MRC1: variants seen among roughly 807,000 people sequenced by gnomAD.
The protein encoded by MRC1 is macrophage mannose receptor 1.
MRC1 carries 62 observed loss-of-function variants against 102.9 expected under a neutral mutation model. The observed-to-expected ratio is 0.60, with a 90% confidence interval of 0.49 to 0.74. MRC1 has a LOEUF of 0.74. Among genes scored for constraint, MRC1 ranks in the 30% least tolerant of loss-of-function variants. MRC1 has a pLI of 0.00. For missense variants in MRC1, 1,237 were observed against 862.8 expected, an observed-to-expected ratio of 1.43 and a Z score of -5.43; for synonymous variants, 457 against 298.4, an observed-to-expected ratio of 1.53 and a Z score of -5.48.
intron 1 of MRC1, among the ~76,000 whole-genome samples, chr10:17,822,290 C>G (rs1264641665): frequency 1.3e-5 from 2 of 152,078 alleles, no homozygotes; most frequent in African/African-American, 4.8e-5. Flanking sequence ...AAATTATTAA[C>G]AAATAATACC....
chr10:17,849,869 A>G, intron 7 of MRC1, 105 bp downstream of exon 7: 1 of 630,016 alleles, frequency 1.6e-6, no homozygotes, highest in Non-Finnish European at 2.9e-6. Context: ...TAATCAATGT[A>G]AATCAATAAT....
intron 6 of MRC1, among the ~76,000 whole-genome samples, chr10:17,848,935 C>T (rs1347589929): frequency 6.6e-6 from 1 of 152,130 alleles, no homozygotes; most frequent in Admixed American, 6.5e-5. Context: ...TCAACACTAA[C>T]CTGCCTCTCA....
intron 23 of MRC1, among the ~76,000 whole-genome samples, 198 bp from the exon 24 acceptor site, chr10:17,897,835 AT>A (rs1481419828): frequency 5.3e-5 from 8 of 152,336 alleles, no homozygotes; most frequent in Admixed American, 3.3e-4. Context: ...TTTGGAATTA[AT>A]TTAATTTGAT....
chr10:17,883,239 T>C (rs1050672364), intron 21 of MRC1, among the ~76,000 whole-genome samples: 6 of 152,314 alleles, frequency 3.9e-5, no homozygotes, highest in Non-Finnish European at 8.8e-5. Flanking sequence ...GTAATCCTCA[T>C]GTCTTAGCCT....
chr10:17,849,747 T>A lies in MRC1; in HGVS notation c.1232T>A (p.Ile411Asn). The A allele has an allele frequency of 1.3e-6, 1 of 780,858 alleles. No individual in the cohort carries two copies. Among genetic ancestry groups the A allele is most frequent in the Non-Finnish European group, 2.4e-6 (1 of 418,004 alleles). The allele number at this position is 780,858 out of a possible 1,614,324, so 48.4% of individuals were successfully genotyped here. The stretch of plus-strand genomic sequence containing the variant: ...ACCATCGAGGAATTGGACTTTATTA[T>A]CTCCCAGCTAGGATATGGTGAGAAA... ...IHTIEELDFIISQLGYEPNDE... is the reference protein window; with the variant it reads ...IHTIEELDFINSQLGYEPNDE... The change falls in exon 7 of 30, where the codon ATC (isoleucine) becomes AAC (asparagine). Residue 411 changes from isoleucine to asparagine, a missense_variant. By Grantham distance (149) the Ile-to-Asn change is moderately radical (BLOSUM62 -3). Coordinates refer to ENST00000569591, the MANE Select transcript of MRC1 (RefSeq NM_002438.4).
intron 10 of MRC1, among the ~76,000 whole-genome samples, chr10:17,862,017 T>C (rs2130661663): frequency 6.6e-6 from 1 of 152,328 alleles, no homozygotes; most frequent in Admixed American, 6.5e-5. Context: ...TAGGGTCCTA[T>C]CTATTTTTAA....
At chr10:17,878,513 C>A (rs1589189337) in intron 18 of MRC1, among the ~76,000 whole-genome samples, 1 of 152,040 alleles carries the variant, frequency 6.6e-6, no homozygotes, top group African/African-American at 2.4e-5. Context: ...ATTTTATGTT[C>A]TTTTTTCTTG....
chr10:17,835,886 C>A (rs570236839), intron 4 of MRC1, among the ~76,000 whole-genome samples: 2,186 of 152,302 alleles, frequency 0.014, 24 homozygotes, highest in Middle Eastern at 0.054. Context: ...TTTTGTCAAA[C>A]TCCTGGGTGA....
chr10:17,863,557 G>C lies in MRC1; in HGVS notation c.1658G>C (p.Ser553Thr). The change falls in exon 11 of 30, where the codon AGT becomes ACT. Residue 553 changes from serine to threonine, a missense_variant. Transcript: ENST00000569591. ...EDRYEQAFLT[S>T]FVGLRPEKYF... ...AGATATGAACAAGCCTTCCTGACTAGTTTCGTTGGCTTAAGGCCTGAAAAA... is the reference window on the plus strand; with the variant it reads ...AGATATGAACAAGCCTTCCTGACTACTTTCGTTGGCTTAAGGCCTGAAAAA... The C allele has an allele frequency of 1.3e-6, 1 of 780,854 alleles. No individual in the cohort carries two copies. Among genetic ancestry groups the C allele is most frequent in the South Asian group, 1.3e-5 (1 of 74,612 alleles). 48.4% of individuals were successfully genotyped at this position (780,854 alleles called of 1,614,324 possible).
At chr10:17,814,793 C>T (rs930602405) in intron 1 of MRC1, among the ~76,000 whole-genome samples, 6,011 of 143,792 alleles carry the variant, frequency 0.042, 150 homozygotes, top group East Asian at 0.051. Flanking sequence ...TCAAGTGATT[C>T]TCCAGGGATT....
Position 17,898,117 on chromosome 10 carries a change from C to A in MRC1, c.3334C>A (p.Gln1112Lys). 2 of 780,794 alleles carry A rather than the reference C, an allele frequency of 2.6e-6. No individual in the cohort carries two copies. The highest frequency in any genetic ancestry group is 2.4e-6 in the Non-Finnish European group (1 of 417,946). The allele number at this position is 780,794 out of a possible 1,614,324, so 48.4% of individuals were successfully genotyped here. ...CAAAAGCAGCTATTCACTCATGAGACAAAAATTTCAATGGCATGAAGCGGA... is the reference window on the plus strand; with the variant it reads ...CAAAAGCAGCTATTCACTCATGAGAAAAAAATTTCAATGGCATGAAGCGGA... ...YGKSSYSLMR[Q>K]KFQWHEAETY... Residue 1112 changes from glutamine to lysine, a missense_variant, in exon 24 of 30, where the codon CAA becomes AAA. Gln to Lys is a moderately conservative substitution (Grantham distance 53). Coordinates refer to ENST00000569591, the MANE Select transcript of MRC1 (RefSeq NM_002438.4).
At chr10:17,819,502 G>A (rs1475863763) in intron 1 of MRC1, among the ~76,000 whole-genome samples, 21 of 150,438 alleles carry the variant, frequency 1.4e-4, no homozygotes, top group Admixed American at 1.2e-3. Context: ...CACAGAAAGG[G>A]AAGAGAAGAG....
intron 3 of MRC1, among the ~76,000 whole-genome samples, chr10:17,828,286 C>A (rs967765638): frequency 1.3e-5 from 2 of 151,392 alleles, no homozygotes; most frequent in African/African-American, 2.5e-5. Context: ...CTGTGTTAGC[C>A]AGGATGGTCT....
At chr10:17,894,352 G>T (rs1408296829) in intron 23 of MRC1, 40 bp downstream of exon 23, 41 of 795,620 alleles carry the variant, frequency 5.2e-5, no homozygotes, top group East Asian at 1.3e-4. Context: ...AAGAGCTGGG[G>T]TTTTTTTTTC....
At chr10:17,810,418 G>A (rs907525094) in intron 1 of MRC1, among the ~76,000 whole-genome samples, 2,836 of 152,266 alleles carry the variant, frequency 0.019, 93 homozygotes, top group African/African-American at 0.064. Flanking sequence ...ATGCACTGAT[G>A]TGAAGGCGGG....
chr10:17,837,674 G>T (rs1838689382), intron 4 of MRC1, among the ~76,000 whole-genome samples: 1 of 151,758 alleles, frequency 6.6e-6, no homozygotes, highest in Non-Finnish European at 1.5e-5. Flanking sequence ...TGTCGCCCGG[G>T]CTGGAGTGCA....
chr10:17,906,373 G>C (rs1186609390), intron 26 of MRC1, among the ~76,000 whole-genome samples: 2 of 150,124 alleles, frequency 1.3e-5, no homozygotes, highest in East Asian at 3.9e-4. Flanking sequence ...TGTTCCTGAA[G>C]AAGTTCTATG....
At chr10:17,812,943 G>A (rs551626305) in intron 1 of MRC1, among the ~76,000 whole-genome samples, 6 of 152,162 alleles carry the variant, frequency 3.9e-5, no homozygotes, top group African/African-American at 7.2e-5. Flanking sequence ...CTGGGAAGGC[G>A]CTCAAACAGT....
chr10:17,886,456 G>A (rs1243778158), intron 22 of MRC1, among the ~76,000 whole-genome samples: 1 of 151,964 alleles, frequency 6.6e-6, no homozygotes, highest in Non-Finnish European at 1.5e-5. Flanking sequence ...AGGCTGGAGT[G>A]CAGTGGCATG....
Sources: gnomAD v4.1 joint callset for allele counts (sites outside exome capture counted in the v4.1 genomes callset) on GRCh38, gnomAD v4.1.1 for gene constraint, MANE v1.5 for transcripts, NCBI Gene and HGNC (gene_info 2026-07-23, HGNC 2026-07-21) for gene names.